PCDH15: variants seen among roughly 807,000 people sequenced by gnomAD.
PCDH15 encodes protocadherin related 15.
In PCDH15, 129 loss-of-function variants were observed where a neutral mutation model predicts 178.5. The observed-to-expected ratio is 0.72, with a 90% CI of 0.63 to 0.84. The LOEUF is 0.84. Among genes scored for constraint, PCDH15 ranks in the 40% least tolerant of loss-of-function variants. The pLI is 0.00. For missense variants in PCDH15, 2,230 were observed against 2,099.9 expected, an observed-to-expected ratio of 1.06 and a Z score of -1.21; for synonymous variants, 800 against 732.0, an observed-to-expected ratio of 1.09 and a Z score of -1.50.
rs527790375 is a variant in PCDH15 at position 54,983,949 on chromosome 10, T to G, written c.-79-86449A>C. Among the ~76,000 whole-genome samples the G allele has an allele frequency of 9.4e-4, 143 of 152,146 alleles. 1 individual carries two copies. The highest frequency in any genetic ancestry group is 1.9e-3 in the Non-Finnish European group (130 of 68,030). On this transcript the variant is annotated intron_variant, in intron 2 of 5. Coordinates refer to the PCDH15 transcript ENST00000458638. ...CACATTAGAAAGTTAGAAAGTAGCA[T>G]AAACGCTATATATATGGATTTCTGG...
At chr10:53,879,481 G>A (rs1218873385) in intron 26 of PCDH15, among the ~76,000 whole-genome samples, 1 of 151,978 alleles carries the variant, frequency 6.6e-6, no homozygotes. Context: ...ATAGAAGTTT[G>A]GAAGTTTGAA....
chr10:54,577,663 A>G (rs1381156112), intron 2 of PCDH15, among the ~76,000 whole-genome samples: 1 of 152,088 alleles, frequency 6.6e-6, no homozygotes, highest in Non-Finnish European at 1.5e-5. Flanking sequence ...TCTTATAATA[A>G]TTAATTTACT....
At chr10:53,954,973 C>T (rs1165126855) in intron 23 of PCDH15, among the ~76,000 whole-genome samples, 1 of 152,214 alleles carries the variant, frequency 6.6e-6, no homozygotes, top group Non-Finnish European at 1.5e-5. Flanking sequence ...TTTACAATCA[C>T]ATGTTTAATG....
In PCDH15 at chr10:55,058,354, G is replaced by A. The variant is rs1591866225; in HGVS notation, c.-80+108222C>T. Among the ~76,000 whole-genome samples, 5 of 152,070 alleles carry A rather than the reference G, an allele frequency of 3.3e-5. No individual in the cohort carries two copies. In the East Asian group the frequency reaches 7.7e-4, roughly 24 times the overall value. ...GCCTCCAGAATAGCTGAGACAATAGGTGCACCCACAAAGCCTGATTAATTT... is the reference window on the plus strand; with the variant it reads ...GCCTCCAGAATAGCTGAGACAATAGATGCACCCACAAAGCCTGATTAATTT... On this transcript the variant is annotated intron_variant, in intron 2 of 5. Coordinates refer to the PCDH15 transcript ENST00000458638.
chr10:55,065,456 C>A (rs185574899), intron 2 of PCDH15, among the ~76,000 whole-genome samples: 20 of 152,206 alleles, frequency 1.3e-4, no homozygotes, highest in Non-Finnish European at 2.8e-4. Flanking sequence ...GCAACCTCAG[C>A]ACTATCCAGT....
At chr10:55,118,301 G>A (rs964654904) in intron 2 of PCDH15, among the ~76,000 whole-genome samples, 1 of 152,144 alleles carries the variant, frequency 6.6e-6, no homozygotes, top group Non-Finnish European at 1.5e-5. Flanking sequence ...TGTTGAATCT[G>A]TGCCAGTTCT....
chr10:54,272,115 G>A (rs2058088428), intron 8 of PCDH15, among the ~76,000 whole-genome samples: 2 of 146,420 alleles, frequency 1.4e-5, no homozygotes, highest in East Asian at 3.9e-4. Flanking sequence ...AGTACAATTG[G>A]GTATAAATTC....
At chr10:54,513,976 T>C (rs551790717) in intron 3 of PCDH15, among the ~76,000 whole-genome samples, 1 of 152,348 alleles carries the variant, frequency 6.6e-6, no homozygotes, top group African/African-American at 2.4e-5. Context: ...ATGTTTACCT[T>C]CCATCTGTCT....
rs146541954 is a variant in PCDH15, at chr10:53,964,704, A to C, written c.2869-2812T>G. ...GATAATATTTTTATATAAACCACTGATTTCACCTAGTGGTGGATGGTCAGT... is the reference window on the plus strand; with the variant it reads ...GATAATATTTTTATATAAACCACTGCTTTCACCTAGTGGTGGATGGTCAGT... On this transcript the variant is annotated intron_variant, in intron 21 of 37. Coordinates refer to ENST00000644397, the MANE Select transcript of PCDH15 (RefSeq NM_001384140.1). Among the ~76,000 whole-genome samples the C allele has an allele frequency of 7.5e-3, 1,136 of 152,184 alleles. 17 individuals carry two copies. The highest frequency in any genetic ancestry group is 0.024 in the African/African-American group (998 of 41,546).
At chr10:54,972,337 C>T (rs1287674019) in intron 2 of PCDH15, among the ~76,000 whole-genome samples, 2 of 150,340 alleles carry the variant, frequency 1.3e-5, no homozygotes, top group South Asian at 2.1e-4. Context: ...GTCAGGAGTT[C>T]GAGACCAGCC....
intron 37 of PCDH15, chr10:53,809,028 G>A: frequency 6.3e-7 from 1 of 1,598,966 alleles, no homozygotes. Context: ...TCCTACCCTT[G>A]ACTTCCTTGA....
intron 25 of PCDH15, among the ~76,000 whole-genome samples, chr10:53,909,124 T>G (rs1211406836): frequency 6.6e-6 from 1 of 152,102 alleles, no homozygotes; most frequent in Non-Finnish European, 1.5e-5. Context: ...ATGGGGGCAG[T>G]TTTCCCCAAT....
At chr10:53,883,274 T>A (rs972719552) in intron 26 of PCDH15, among the ~76,000 whole-genome samples, 2 of 152,106 alleles carry the variant, frequency 1.3e-5, no homozygotes, top group African/African-American at 4.8e-5. Flanking sequence ...TTGTAATCCA[T>A]TTTTTTGTCA....
chr10:55,409,367 C>G (rs962535258), intron 2 of PCDH15, among the ~76,000 whole-genome samples: 4 of 152,114 alleles, frequency 2.6e-5, no homozygotes, highest in Admixed American at 2.6e-4. Flanking sequence ...CTGTTTTTGT[C>G]TCTCATGTTA....
At chr10:54,109,850 G>GT (rs1350941592) in intron 15 of PCDH15, among the ~76,000 whole-genome samples, 3 of 152,184 alleles carry the variant, frequency 2.0e-5, no homozygotes, top group Admixed American at 6.5e-5. Context: ...AGTATAATCA[G>GT]TTTTTTTGTA....
chr10:54,964,174 T>G (rs2131887100), intron 2 of PCDH15, among the ~76,000 whole-genome samples: 1 of 152,290 alleles, frequency 6.6e-6, no homozygotes, highest in Admixed American at 6.5e-5. Context: ...AGAAAAGAAC[T>G]TAGATAAGAC....
chr10:54,045,557 A>T (rs1011660280), intron 18 of PCDH15, among the ~76,000 whole-genome samples: 5 of 152,094 alleles, frequency 3.3e-5, no homozygotes, highest in Admixed American at 6.6e-5. Flanking sequence ...ATAAACCAAC[A>T]CAATAGAATA....
intron 2 of PCDH15, among the ~76,000 whole-genome samples, chr10:54,982,774 C>T (rs566556925): frequency 2.0e-5 from 3 of 152,200 alleles, no homozygotes; most frequent in African/African-American, 7.2e-5. Flanking sequence ...TCTTTGTTAA[C>T]CTAGCAATTT....
chr10:54,919,116 C>T (rs1837418942), intron 2 of PCDH15, among the ~76,000 whole-genome samples: 1 of 152,118 alleles, frequency 6.6e-6, no homozygotes, highest in Non-Finnish European at 1.5e-5. Flanking sequence ...AGACTGTCTG[C>T]ATAATTGTTT....
Sources: gnomAD v4.1 joint callset for allele counts (sites outside exome capture counted in the v4.1 genomes callset) on GRCh38, gnomAD v4.1.1 for gene constraint, MANE v1.5 for transcripts, NCBI Gene and HGNC (gene_info 2026-07-23, HGNC 2026-07-21) for gene names.